RIMS2: variants seen among roughly 807,000 people sequenced by gnomAD.
The protein encoded by RIMS2 is regulating synaptic membrane exocytosis 2.
A neutral mutation model predicts 174.4 loss-of-function variants in RIMS2; 59 were observed. The ratio of observed to expected loss-of-function variants is 0.34; its 90% CI spans 0.27 to 0.42. The LOEUF is 0.42. RIMS2 is among the 10% of genes least tolerant of loss of function. The probability of loss-of-function intolerance (pLI) is 1.00; values close to 1 mark genes in which losing one functional copy is unlikely to be tolerated. For synonymous variants in RIMS2, 606 were observed against 572.5 expected, an observed-to-expected ratio of 1.06 and a Z score of -0.84; for missense variants, 1,620 against 1,666.3, an observed-to-expected ratio of 0.97 and a Z score of 0.48.
chr8:103,561,114 G>T (rs2091516576), intron 1 of RIMS2, among the ~76,000 whole-genome samples: 1 of 152,306 alleles, frequency 6.6e-6, no homozygotes, highest in East Asian at 1.9e-4. Context: ...CTAACAGAGT[G>T]CAGCTTCCTG....
intron 1 of RIMS2, among the ~76,000 whole-genome samples, chr8:103,621,781 G>T (rs1166607341): frequency 6.6e-6 from 1 of 152,174 alleles, no homozygotes; most frequent in African/African-American, 2.4e-5. Flanking sequence ...ACATCAGAAG[G>T]AATGGATGTA....
At chr8:103,901,657 A>T (rs1264786739) in intron 4 of RIMS2, among the ~76,000 whole-genome samples, 1 of 152,198 alleles carries the variant, frequency 6.6e-6, no homozygotes. Flanking sequence ...GATGAATTCT[A>T]ATATATGCCA....
At chr8:103,715,690 C>A (rs7828141) in intron 2 of RIMS2, among the ~76,000 whole-genome samples, 15 of 152,198 alleles carry the variant, frequency 9.9e-5, no homozygotes, top group African/African-American at 3.4e-4. Context: ...ATTTTCCACA[C>A]TTATCATATT....
At chr8:104,062,054 G>A (rs761273288) in intron 19 of RIMS2, among the ~76,000 whole-genome samples, 53 of 152,016 alleles carry the variant, frequency 3.5e-4, no homozygotes, top group Non-Finnish European at 6.5e-4. Flanking sequence ...ATGCCAATAA[G>A]TTATATTTTG....
At chr8:103,796,884 A>AT (rs1283734122) in intron 3 of RIMS2, among the ~76,000 whole-genome samples, 1 of 152,196 alleles carries the variant, frequency 6.6e-6, no homozygotes, top group Non-Finnish European at 1.5e-5. Flanking sequence ...ATTCACTCAG[A>AT]TGTGAGTGGT....
intron 1 of RIMS2, among the ~76,000 whole-genome samples, chr8:103,653,971 A>G (rs1189621418): frequency 6.6e-6 from 1 of 152,054 alleles, no homozygotes; most frequent in Non-Finnish European, 1.5e-5. Flanking sequence ...TCCTTTTATG[A>G]TACAGGAATT....
chr8:104,003,634 G>A (rs577841845), intron 17 of RIMS2, among the ~76,000 whole-genome samples: 22 of 152,144 alleles, frequency 1.4e-4, no homozygotes, highest in African/African-American at 5.1e-4. Flanking sequence ...GGCTAGTCTC[G>A]AACTCCTGAC....
intron 3 of RIMS2, among the ~76,000 whole-genome samples, chr8:103,821,251 A>G (rs2154473120): frequency 6.6e-6 from 1 of 151,800 alleles, no homozygotes; most frequent in Non-Finnish European, 1.5e-5. Context: ...CTATAATTTC[A>G]GTAAGAGCCT....
chr8:103,674,985 A>G (rs770681272), intron 1 of RIMS2, among the ~76,000 whole-genome samples: 29 of 152,176 alleles, frequency 1.9e-4, no homozygotes, highest in Admixed American at 3.3e-4. Flanking sequence ...ATATGATTTG[A>G]AGATTTTAAA....
intron 19 of RIMS2, among the ~76,000 whole-genome samples, chr8:104,086,902 T>C (rs72683199): frequency 0.012 from 1,818 of 152,254 alleles, 19 homozygotes; most frequent in Non-Finnish European, 0.021. Flanking sequence ...AAAGCCTGTA[T>C]TCCTAAACCC....
intron 14 of RIMS2, among the ~76,000 whole-genome samples, chr8:103,956,156 C>T (rs2087127284): frequency 6.6e-6 from 1 of 151,350 alleles, no homozygotes; most frequent in South Asian, 2.1e-4. Context: ...AGAACCAAAA[C>T]TCAAAATGGC....
rs1437350507 is a variant in RIMS2 at position 103,994,918 on chromosome 8, T to C, written c.3044+5497T>C. Among the ~76,000 whole-genome samples, 3 of 151,884 alleles carry C rather than the reference T, an allele frequency of 2.0e-5. No individual in the cohort carries two copies. In the East Asian group the frequency reaches 5.8e-4, roughly 29 times the overall value. On this transcript the variant is annotated intron_variant, in intron 17 of 23. Coordinates refer to ENST00000504942, the Ensembl canonical transcript of RIMS2. ...GAAACTATTAGAAATTGGATGATTT[T>C]ATATATATATTTTATAAATTTATAA...
At chr8:103,734,596 T>A (rs1410547950) in intron 2 of RIMS2, among the ~76,000 whole-genome samples, 1 of 151,794 alleles carries the variant, frequency 6.6e-6, no homozygotes, top group Non-Finnish European at 1.5e-5. Flanking sequence ...TATCTGCAGG[T>A]TTTCTCTCAA....
intron 19 of RIMS2, among the ~76,000 whole-genome samples, chr8:104,163,056 AC>A (rs1159897215): frequency 6.6e-6 from 1 of 152,192 alleles, no homozygotes; most frequent in Non-Finnish European, 1.5e-5. Flanking sequence ...CAGTAATGAT[AC>A]TAGGAGCAAT....
At chr8:104,234,299 C>G (rs2099247419) in intron 19 of RIMS2, among the ~76,000 whole-genome samples, 1 of 151,940 alleles carries the variant, frequency 6.6e-6, no homozygotes. Flanking sequence ...AAAATATTGC[C>G]TCAAAATATC....
chr8:103,963,650 C>G (rs1417804214), intron 15 of RIMS2, among the ~76,000 whole-genome samples: 1 of 152,082 alleles, frequency 6.6e-6, no homozygotes, highest in South Asian at 2.1e-4. Flanking sequence ...CATTATCAAC[C>G]TCCTCCACCA....
At chr8:103,789,545 T>C (rs1371020535) in intron 3 of RIMS2, among the ~76,000 whole-genome samples, 1 of 152,150 alleles carries the variant, frequency 6.6e-6, no homozygotes, top group African/African-American at 2.4e-5. Flanking sequence ...TATCTCATCA[T>C]ATTCACAGAT....
chr8:103,583,460 A>G (rs577651393), intron 1 of RIMS2, among the ~76,000 whole-genome samples: 1 of 152,344 alleles, frequency 6.6e-6, no homozygotes, highest in East Asian at 1.9e-4. Flanking sequence ...TCAGGGATCA[A>G]TCCTGGAGAA....
At position 103,566,470 on chromosome 8, in the gene RIMS2, A is replaced by G. The variant is rs150928098; in HGVS notation, c.176+65408A>G. Among the ~76,000 whole-genome samples the G allele has an allele frequency of 8.5e-5, 13 of 152,284 alleles. No homozygotes were observed. The East Asian group carries it at 2.3e-3, about 27-fold the overall frequency. The stretch of plus-strand genomic sequence containing the variant: ...CTCAGCTGATACCCAAAGACTTCCT[A>G]CTTTGTTGGGAAAATGGAGTGTATA... On this transcript the variant is annotated intron_variant, in intron 1 of 23. Coordinates refer to ENST00000504942, the Ensembl canonical transcript of RIMS2.
Sources: gnomAD v4.1 joint callset for allele counts (sites outside exome capture counted in the v4.1 genomes callset) on GRCh38, gnomAD v4.1.1 for gene constraint, MANE v1.5 for transcripts, NCBI Gene and HGNC (gene_info 2026-07-23, HGNC 2026-07-21) for gene names.